The following BPNT2 variants were observed in gnomAD, a reference collection of about 807,000 sequenced individuals.
BPNT2 encodes the protein Golgi-resident adenosine 3',5'-bisphosphate 3'-phosphatase.
Under a neutral mutation model 29.3 loss-of-function variants are expected in BPNT2, and 11 were observed. The observed-to-expected ratio is 0.38, with a 90% CI of 0.24 to 0.62. BPNT2 has a LOEUF of 0.62. BPNT2 is among the 20% of genes least tolerant of loss of function. The pLI is 0.62. For missense variants in BPNT2, 459 were observed against 473.4 expected, an observed-to-expected ratio of 0.97 and a Z score of 0.28; for synonymous variants, 195 against 187.7, an observed-to-expected ratio of 1.04 and a Z score of -0.32.
intron 3 of BPNT2, among the ~76,000 whole-genome samples, chr8:56,972,222 C>T (rs568605488): frequency 1.3e-5 from 2 of 151,354 alleles, no homozygotes; most frequent in South Asian, 4.2e-4. Flanking sequence ...GTGTTTAGTA[C>T]AATTTCATAG....
Position 56,979,003 on chromosome 8 carries a change from C to T in BPNT2, c.551-858G>A, listed in dbSNP as rs117611362. 2.1e-3 allele frequency among the ~76,000 whole-genome samples: 320 copies of T among 152,192 alleles called. 3 individuals are homozygous for T. Among genetic ancestry groups the T allele is most frequent in the East Asian group, 0.01 (52 of 5,176 alleles). On this transcript the variant is annotated intron_variant, in intron 2 of 4. Coordinates refer to ENST00000262644, the MANE Select transcript of BPNT2 (RefSeq NM_017813.5). Reference sequence around the variant, plus strand: ...AACAAACCCTCATGACACAAGTTTACCCTATGTAACAAACCTGCACTTGTA... The same window carrying T: ...AACAAACCCTCATGACACAAGTTTATCCTATGTAACAAACCTGCACTTGTA...
intron 2 of BPNT2, among the ~76,000 whole-genome samples, chr8:56,979,557 C>G (rs778836141): frequency 2.6e-5 from 4 of 152,080 alleles, no homozygotes; most frequent in Non-Finnish European, 4.4e-5. Flanking sequence ...GTAGAAGGCT[C>G]CACATTTACA....
intron 3 of BPNT2, among the ~76,000 whole-genome samples, chr8:56,973,366 A>G (rs190451370): frequency 1.3e-5 from 2 of 152,344 alleles, no homozygotes; most frequent in African/African-American, 4.8e-5. Context: ...CCAATAGTAG[A>G]GAACCCTGAC....
Position 56,993,551 on chromosome 8 carries a change from C to T in BPNT2, c.35G>A (p.Gly12Glu). 12 of 1,482,686 alleles carry T rather than the reference C, an allele frequency of 8.1e-6. No individual in the cohort carries two copies. The highest frequency in any genetic ancestry group is 1.1e-5 in the Non-Finnish European group (12 of 1,115,752). 91.8% of individuals were successfully genotyped at this position (1,482,686 alleles called of 1,614,324 possible). The change falls in exon 1 of 5, where the codon GGG becomes GAG. Residue 12 changes from glycine (G) to glutamate (E), a missense_variant. Physicochemically the swap from Gly to Glu is moderately conservative, Grantham distance 98 (BLOSUM62 -2). Transcript: ENST00000262644. ...APMGIRLSPL[G>E]VAVFCLLGLG... ...CCCCAGCAGGCAAAACACTGCCACC[C>T]CCAGTGGGGAAAGGCGGATGCCCAT...
rs371194794 is a variant in BPNT2, at chr8:56,962,031, C to T, written c.*1762G>A. On this transcript the variant is annotated 3_prime_UTR_variant, in exon 5 of 5. Coordinates refer to ENST00000262644, the MANE Select transcript of BPNT2 (RefSeq NM_017813.5). ...ACAGCATATACCTTTGCCATCTCTC[C>T]TGAAAAAGAAAGTTTCTTCAGCTTA... The T allele has an allele frequency of 7.2e-5, 11 of 152,204 alleles. No homozygotes were observed. Among genetic ancestry groups the T allele is most frequent in the African/African-American group, 2.4e-4 (10 of 41,522 alleles). The allele number at this position is 152,204 out of a possible 1,614,324, so 9.4% of individuals were successfully genotyped here.
intron 4 of BPNT2, 109 bp from the exon 5 acceptor site, chr8:56,964,173 CT>C: frequency 2.7e-6 from 2 of 751,276 alleles, no homozygotes; most frequent in Non-Finnish European, 4.4e-6. Flanking sequence ...TGTGCAGGAG[CT>C]TGCTGCAGTC....
rs1805815456 is a variant in BPNT2 at position 56,960,545 on chromosome 8, A to G, written c.*3248T>C. ...TTATATAGTATAAACAATCAACTGA[A>G]TAATTACTGATTTAAAATAAAGAAA... On this transcript the variant is annotated 3_prime_UTR_variant, in exon 5 of 5. Transcript: ENST00000262644. 6.6e-6 allele frequency: 1 copy of G among 152,252 alleles called. No homozygotes were observed. The highest frequency in any genetic ancestry group is 2.4e-5 in the African/African-American group (1 of 41,468). 9.4% of individuals were successfully genotyped at this position (152,252 alleles called of 1,614,324 possible).
chr8:56,971,782 A>AC (rs71258551), intron 3 of BPNT2, among the ~76,000 whole-genome samples: 42,580 of 104,072 alleles, frequency 0.41, 11,493 homozygotes, highest in East Asian at 0.51. Context: ...ATTTTGTACC[A>AC]CCCCCCCCCC....
At chr8:56,973,743 GA>G (rs768627725) in intron 3 of BPNT2, among the ~76,000 whole-genome samples, 1 of 152,122 alleles carries the variant, frequency 6.6e-6, no homozygotes, top group Non-Finnish European at 1.5e-5. Flanking sequence ...ATTGATTTTA[GA>G]CAATCTGGAA....
intron 4 of BPNT2, 55 bp downstream of exon 4, chr8:56,966,136 A>G: frequency 6.4e-7 from 1 of 1,573,062 alleles, no homozygotes. Context: ...CTCCTAACAT[A>G]GCCTTGACCA....
intron 3 of BPNT2, among the ~76,000 whole-genome samples, chr8:56,973,036 A>G (rs1806064281): frequency 6.6e-6 from 1 of 152,168 alleles, no homozygotes; most frequent in African/African-American, 2.4e-5. Context: ...AAAGGAAAAG[A>G]TAAAACACCA....
In BPNT2 at chr8:56,975,535, A is replaced by G. The variant is rs139362725; in HGVS notation, c.646+2515T>C. Among the ~76,000 whole-genome samples the G allele has an allele frequency of 3.7e-3, 563 of 152,254 alleles. 7 individuals carry two copies. Among genetic ancestry groups the G allele is most frequent in the African/African-American group, 0.013 (523 of 41,552 alleles). Reference sequence around the variant, plus strand: ...GAGTTACTGAAGACTGAAAAAACTTATGTCAATGCACTTTATAAACTGTGA... The same window carrying G: ...GAGTTACTGAAGACTGAAAAAACTTGTGTCAATGCACTTTATAAACTGTGA... On this transcript the variant is annotated intron_variant, in intron 3 of 4. Transcript: ENST00000262644.
chr8:56,964,271 T>C lies in BPNT2; in HGVS notation c.809-207A>G, dbSNP rs544424568. 59 of 482,982 alleles carry C rather than the reference T, an allele frequency of 1.2e-4. 1 individual carries two copies. Among genetic ancestry groups the C allele is most frequent in the South Asian group, 8.0e-4 (26 of 32,634 alleles). 29.9% of individuals were successfully genotyped at this position (482,982 alleles called of 1,614,324 possible). On this transcript the variant is annotated intron_variant, in intron 4 of 4. Coordinates refer to ENST00000262644, the MANE Select transcript of BPNT2 (RefSeq NM_017813.5). Reference sequence around the variant, plus strand: ...ACATTAAACTCAGAACAAAAATACATTGCAAAGTAACTTATTGTTTATTTT... The same window carrying C: ...ACATTAAACTCAGAACAAAAATACACTGCAAAGTAACTTATTGTTTATTTT...
In BPNT2 at chr8:56,959,853, T is replaced by C. The variant is rs1257788765; in HGVS notation, c.*3940A>G. On this transcript the variant is annotated 3_prime_UTR_variant, in exon 5 of 5. Transcript: ENST00000262644. ...TTTTAATGGCAAAAAGTTCCTATTT[T>C]CCCCCATCTACTAAAAAGGTTGTTT... The C allele has an allele frequency of 2.6e-5, 4 of 152,180 alleles. No individual in the cohort carries two copies. The highest frequency in any genetic ancestry group is 5.9e-5 in the Non-Finnish European group (4 of 68,030). The allele number at this position is 152,180 out of a possible 1,614,324, so 9.4% of individuals were successfully genotyped here.
intron 1 of BPNT2, among the ~76,000 whole-genome samples, chr8:56,985,396 T>C (rs1177844516): frequency 6.6e-6 from 1 of 152,104 alleles, no homozygotes; most frequent in African/African-American, 2.4e-5. Flanking sequence ...CAACAGGGAA[T>C]TGAAGCATAA....
intron 1 of BPNT2, among the ~76,000 whole-genome samples, chr8:56,981,182 CCT>C (rs933928175): frequency 5.3e-4 from 80 of 152,136 alleles, no homozygotes; most frequent in African/African-American, 1.9e-3. Context: ...CAAGTGCGCC[CCT>C]GTCCCATCCT....
intron 3 of BPNT2, among the ~76,000 whole-genome samples, chr8:56,969,965 A>C (rs1380451249): frequency 6.6e-6 from 1 of 152,230 alleles, no homozygotes; most frequent in African/African-American, 2.4e-5. Flanking sequence ...CTTTTCTAGA[A>C]GAAACATTTC....
intron 3 of BPNT2, among the ~76,000 whole-genome samples, chr8:56,977,825 A>C (rs1369089711): frequency 6.6e-6 from 1 of 152,150 alleles, no homozygotes; most frequent in Non-Finnish European, 1.5e-5. Flanking sequence ...AGAAACAAAA[A>C]AGATACTCCC....
At chr8:56,972,425 A>G (rs1806054664) in intron 3 of BPNT2, among the ~76,000 whole-genome samples, 1 of 152,108 alleles carries the variant, frequency 6.6e-6, no homozygotes, top group Non-Finnish European at 1.5e-5. Context: ...GCGTAAGAAT[A>G]ATTGTGGGAA....
Sources: gnomAD v4.1 joint callset for allele counts (sites outside exome capture counted in the v4.1 genomes callset) on GRCh38, gnomAD v4.1.1 for gene constraint, MANE v1.5 for transcripts, NCBI Gene and HGNC (gene_info 2026-07-23, HGNC 2026-07-21) for gene names.